Variants in CRADD observed in about 807,000 individuals in gnomAD.
CRADD encodes CARD and death domain containing adaptor protein.
Under a neutral mutation model 15.5 loss-of-function variants are expected in CRADD, and 9 were observed. The observed-to-expected ratio is 0.58, with a 90% confidence interval of 0.35 to 1.01. The LOEUF is 1.01. CRADD is among the 50% of genes least tolerant of loss of function. CRADD has a pLI of 0.02. For missense variants in CRADD, 227 were observed against 250.3 expected (o/e 0.91, Z 0.63); for synonymous variants, 118 against 107.6 (o/e 1.10, Z -0.60).
chr12:93,810,087 T>C (rs11107196), intron 2 of CRADD, among the ~76,000 whole-genome samples: 5,626 of 152,228 alleles, frequency 0.037, 325 homozygotes, highest in African/African-American at 0.13. Flanking sequence ...CCATATTAAC[T>C]CTGAAAACAA....
chr12:93,833,356 T>G (rs1957931870), intron 2 of CRADD, among the ~76,000 whole-genome samples: 1 of 152,170 alleles, frequency 6.6e-6, no homozygotes, highest in Non-Finnish European at 1.5e-5. Flanking sequence ...TTTATTTTTT[T>G]GAGGTAGGGT....
intron 2 of CRADD, among the ~76,000 whole-genome samples, chr12:93,849,525 G>C (rs1490480088): frequency 6.6e-6 from 1 of 152,106 alleles, no homozygotes; most frequent in Non-Finnish European, 1.5e-5. Flanking sequence ...TGGATCACCT[G>C]AGGTCAGGAG....
At chr12:93,750,056 A>T (rs1208769796) in intron 2 of CRADD, among the ~76,000 whole-genome samples, 1 of 152,220 alleles carries the variant, frequency 6.6e-6, no homozygotes, top group East Asian at 1.9e-4. Flanking sequence ...CCTTAAGCAG[A>T]CTACTGTTTT....
intron 2 of CRADD, chr12:93,738,597 C>T (rs1956621622): frequency 9.9e-6 from 6 of 607,332 alleles, no homozygotes; most frequent in Admixed American, 5.8e-5. Context: ...CTGCACCACA[C>T]GCCAGCCCTT....
chr12:93,794,249 T>C lies in CRADD; in HGVS notation c.299-55721T>C, dbSNP rs144840716. On this transcript the variant is annotated intron_variant, in intron 2 of 2. Coordinates refer to ENST00000332896, the MANE Select transcript of CRADD (RefSeq NM_003805.5). ...TCTGTACTCTTTCTGAGTAATCTCATTGGGTCCCATTGCTTTAAATACCTT... is the reference window on the plus strand; with the variant it reads ...TCTGTACTCTTTCTGAGTAATCTCACTGGGTCCCATTGCTTTAAATACCTT... 3.3e-3 allele frequency among the ~76,000 whole-genome samples: 503 copies of C among 152,302 alleles called. 3 individuals are homozygous for C. The highest frequency in any genetic ancestry group is 0.012 in the African/African-American group (483 of 41,562).
At chr12:93,703,212 A>ATT (rs145149095) in intron 2 of CRADD, among the ~76,000 whole-genome samples, 4 of 152,032 alleles carry the variant, frequency 2.6e-5, no homozygotes, top group African/African-American at 9.7e-5. Context: ...TTAGGTGTTG[A>ATT]TTTTTTTTAA....
intron 2 of CRADD, among the ~76,000 whole-genome samples, chr12:93,688,850 C>T (rs1955497968): frequency 6.6e-6 from 1 of 152,214 alleles, no homozygotes; most frequent in African/African-American, 2.4e-5. Flanking sequence ...TGTGGCTGCT[C>T]CAGAGCCCAT....
chr12:93,786,916 G>A (rs11107181), intron 2 of CRADD, among the ~76,000 whole-genome samples: 16,183 of 152,114 alleles, frequency 0.11, 1,201 homozygotes, highest in African/African-American at 0.19. Flanking sequence ...TATGCCAGGG[G>A]AATAATGTAA....
At chr12:93,836,954 A>G (rs954442953) in intron 2 of CRADD, among the ~76,000 whole-genome samples, 2 of 152,170 alleles carry the variant, frequency 1.3e-5, no homozygotes, top group African/African-American at 4.8e-5. Context: ...ATTTATGGAC[A>G]AAGGGAATGA....
chr12:93,752,746 T>A (rs975887114), intron 2 of CRADD, among the ~76,000 whole-genome samples: 1 of 152,226 alleles, frequency 6.6e-6, no homozygotes, highest in Non-Finnish European at 1.5e-5. Flanking sequence ...CTCATAATCA[T>A]GGCAGAAGGT....
chr12:93,777,745 C>T (rs953904189), intron 2 of CRADD, among the ~76,000 whole-genome samples: 5 of 152,146 alleles, frequency 3.3e-5, no homozygotes, highest in African/African-American at 9.7e-5. Flanking sequence ...GTTAATCTCA[C>T]GGTATACTCG....
chr12:93,713,575 TA>T (rs1165368137), intron 2 of CRADD, among the ~76,000 whole-genome samples: 1 of 152,196 alleles, frequency 6.6e-6, no homozygotes, highest in Non-Finnish European at 1.5e-5. Flanking sequence ...TAATACAATA[TA>T]AATGCTTTGT....
chr12:93,774,919 G>A (rs902378309), intron 2 of CRADD, among the ~76,000 whole-genome samples: 1 of 152,188 alleles, frequency 6.6e-6, no homozygotes, highest in African/African-American at 2.4e-5. Flanking sequence ...GGTGGGGAGG[G>A]AGAGGGCATA....
At chr12:93,746,785 T>A (rs1404727073) in intron 2 of CRADD, among the ~76,000 whole-genome samples, 16 of 151,582 alleles carry the variant, frequency 1.1e-4, no homozygotes, top group Non-Finnish European at 1.3e-4. Flanking sequence ...AATTTGGATT[T>A]TTTTTTTTTT....
intron 2 of CRADD, among the ~76,000 whole-genome samples, chr12:93,813,364 T>C (rs1255427935): frequency 6.6e-6 from 1 of 152,260 alleles, no homozygotes; most frequent in Non-Finnish European, 1.5e-5. Context: ...TGTGCCCTTA[T>C]CTTCCACAAC....
chr12:93,679,302 C>T (rs1234379050), intron 2 of CRADD, among the ~76,000 whole-genome samples: 1 of 152,062 alleles, frequency 6.6e-6, no homozygotes, highest in Non-Finnish European at 1.5e-5. Context: ...CCACCATGCC[C>T]TGCTAAGTTT....
rs115737326 is a variant in CRADD, at chr12:93,893,009, T to G, written c.299-1041T>G. Among the ~76,000 whole-genome samples, 1,143 of 152,328 alleles carry G rather than the reference T, an allele frequency of 7.5e-3. 14 individuals carry two copies. The highest frequency in any genetic ancestry group is 0.026 in the African/African-American group (1,066 of 41,560). On this transcript the variant is annotated intron_variant, in intron 2 of 2. Transcript: ENST00000548483. ...GTAAAGAAGGGCTGCAGCCGCCTGG[T>G]GCTTGACAAGGTCCCCAAGACGGGA...
chr12:93,785,805 G>A (rs149460051), intron 2 of CRADD, among the ~76,000 whole-genome samples: 4 of 152,310 alleles, frequency 2.6e-5, no homozygotes, highest in Admixed American at 6.5e-5. Flanking sequence ...GAATAAGGAC[G>A]TATGGGATCG....
chr12:93,678,939 GCTC>G lies in CRADD; in HGVS notation c.168_170del (p.Leu58del), dbSNP rs1011623609. The G allele has an allele frequency of 4.3e-6, 7 of 1,614,014 alleles. No homozygotes were observed. The African/African-American group carries it at 9.3e-5, about 22-fold the overall frequency. Reference sequence around the variant, plus strand: ...AAACCACAGGCCTCCGGAAAACAATGCTCCTGCTGGATATCCTACCTTCCAGGG... The same window carrying G: ...AAACCACAGGCCTCCGGAAAACAATGCTGCTGGATATCCTACCTTCCAGGG... On this transcript the variant is annotated inframe_deletion, in exon 2 of 3. Transcript: ENST00000332896.
Sources: allele counts gnomAD v4.1 joint callset (sites outside exome capture counted in the v4.1 genomes callset), GRCh38; gene constraint gnomAD v4.1.1; transcripts MANE v1.5; gene names NCBI Gene and HGNC (gene_info 2026-07-23, HGNC 2026-07-21).